The following TRPC6 variants were observed in gnomAD, a reference collection of about 807,000 sequenced individuals.
TRPC6 encodes the protein transient receptor potential cation channel subfamily C member 6, also known as short transient receptor potential channel 6.
A neutral mutation model predicts 90.7 loss-of-function variants in TRPC6; 55 were observed. The ratio of observed to expected loss-of-function variants is 0.61; its 90% CI spans 0.49 to 0.76. The LOEUF (loss-of-function observed/expected upper bound fraction) is 0.76. TRPC6 is among the 30% of genes least tolerant of loss of function. TRPC6 has a pLI of 0.00. For synonymous variants in TRPC6, 393 were observed against 393.0 expected, an observed-to-expected ratio of 1.00 and a Z score of 0.00; for missense variants, 989 against 1,122.7, an observed-to-expected ratio of 0.88 and a Z score of 1.70.
At chr11:101,535,795 G>A (rs1861032043) in intron 1 of TRPC6, among the ~76,000 whole-genome samples, 1 of 152,132 alleles carries the variant, frequency 6.6e-6, no homozygotes. Context: ...ATAACAAAAA[G>A]TTGGTAACCA....
In TRPC6 at chr11:101,583,465, AC is replaced by A. The variant is rs1555016510; in HGVS notation, c.38del (p.Ser13IlefsTer67). The stretch of plus-strand genomic sequence containing the variant: ...CGGCTCCGGCAGCGCCCCGGGGAGA[AC>A]TGCCCCTCCGGGGCCCGAACGCCGG... Reference protein sequence around the residue: ...QSPAFGPRRGSSPRGAAGAAA... With the variant: ...QSPAFGPRRGXSPRGAAGAAA... On this transcript the variant is annotated frameshift_variant, in exon 1 of 13. Coordinates refer to ENST00000344327, the MANE Select transcript of TRPC6 (RefSeq NM_004621.6). LOFTEE classifies it high-confidence loss of function. 6.6e-7 allele frequency: 1 copy of A among 1,526,706 alleles called. No individual in the cohort carries two copies. The highest frequency in any genetic ancestry group is 1.4e-5 in the African/African-American group (1 of 71,250). 94.6% of individuals were successfully genotyped at this position (1,526,706 alleles called of 1,614,324 possible). A position where few individuals can be genotyped will look rare whatever the true frequency, so the allele number is the denominator to read the frequency against.
intron 2 of TRPC6, among the ~76,000 whole-genome samples, chr11:101,499,019 T>G (rs1023770164): frequency 3.3e-5 from 5 of 152,072 alleles, no homozygotes; most frequent in Admixed American, 1.3e-4. Flanking sequence ...AGATGGACAG[T>G]GCAGGGTGGA....
intron 2 of TRPC6, among the ~76,000 whole-genome samples, chr11:101,494,166 A>G (rs971761097): frequency 3.3e-5 from 5 of 152,122 alleles, no homozygotes; most frequent in Admixed American, 1.3e-4. Context: ...TTGGAGGTAC[A>G]TATTTGTCCA....
At chr11:101,521,319 G>A (rs1860654940) in intron 1 of TRPC6, among the ~76,000 whole-genome samples, 2 of 152,204 alleles carry the variant, frequency 1.3e-5, no homozygotes, top group Non-Finnish European at 2.9e-5. Context: ...TATGTCTTAG[G>A]ATGCTGCTCC....
chr11:101,483,217 C>A (rs1049658631), intron 4 of TRPC6, 52 bp from the exon 5 acceptor site: 2 of 1,571,768 alleles, frequency 1.3e-6, no homozygotes, highest in East Asian at 2.2e-5. Context: ...GTACACTTTG[C>A]AAAACACACA....
At chr11:101,497,919 T>TA (rs1191775416) in intron 2 of TRPC6, among the ~76,000 whole-genome samples, 1 of 151,890 alleles carries the variant, frequency 6.6e-6, no homozygotes, top group African/African-American at 2.4e-5. Flanking sequence ...TTAAGAGGAA[T>TA]AAAAAGAAAC....
intron 2 of TRPC6, among the ~76,000 whole-genome samples, chr11:101,500,422 C>G (rs1372697430): frequency 1.3e-5 from 2 of 151,896 alleles, no homozygotes; most frequent in African/African-American, 4.8e-5. Flanking sequence ...GTTGGTCAGA[C>G]TGGTCTCAAA....
intron 10 of TRPC6, among the ~76,000 whole-genome samples, chr11:101,464,143 C>T (rs1859080097): frequency 6.6e-6 from 1 of 151,932 alleles, no homozygotes; most frequent in Non-Finnish European, 1.5e-5. Context: ...TTTGACTGCA[C>T]TGTGGTCTGA....
In TRPC6 at chr11:101,539,445, T is replaced by C. The variant is rs144202299; in HGVS notation, c.171-34647A>G. On this transcript the variant is annotated intron_variant, in intron 1 of 12. Transcript: ENST00000344327. The stretch of plus-strand genomic sequence containing the variant: ...AGTTTCTCAGACGCCACACTGAGCT[T>C]TCCTCTGAAGACACTTATTCCAAGC... Among the ~76,000 whole-genome samples, 742 of 152,308 alleles carry C rather than the reference T, an allele frequency of 4.9e-3. 3 individuals are homozygous for C. Among genetic ancestry groups the C allele is most frequent in the African/African-American group, 0.017 (691 of 41,566 alleles).
chr11:101,481,962 C>G (rs1382709860), intron 5 of TRPC6, among the ~76,000 whole-genome samples: 1 of 152,166 alleles, frequency 6.6e-6, no homozygotes, highest in Non-Finnish European at 1.5e-5. Context: ...CTCTAATGTT[C>G]CCATGCCATC....
intron 6 of TRPC6, 86 bp downstream of exon 6, chr11:101,476,215 A>C (rs1859414009): frequency 2.7e-6 from 3 of 1,097,210 alleles, no homozygotes; most frequent in African/African-American, 1.6e-5. Context: ...TTTTATGAGA[A>C]TTGTGCAGTA....
intron 2 of TRPC6, among the ~76,000 whole-genome samples, chr11:101,503,547 G>A (rs759368934): frequency 2.6e-5 from 4 of 152,086 alleles, no homozygotes; most frequent in African/African-American, 7.2e-5. Context: ...TGTCTCTCTA[G>A]TCAACTGTGA....
At chr11:101,555,199 G>A (rs1406279464) in intron 1 of TRPC6, among the ~76,000 whole-genome samples, 2 of 152,148 alleles carry the variant, frequency 1.3e-5, no homozygotes, top group African/African-American at 4.8e-5. Context: ...GATGAAATCA[G>A]GCTTCACCTA....
intron 3 of TRPC6, chr11:101,491,347 T>C: frequency 4.4e-6 from 2 of 455,668 alleles, no homozygotes. Flanking sequence ...GGCAGGAGAA[T>C]GGCCTGAACC....
chr11:101,473,094 CAT>C (rs1859330951), intron 7 of TRPC6, among the ~76,000 whole-genome samples: 2 of 152,048 alleles, frequency 1.3e-5, no homozygotes, highest in Admixed American at 1.3e-4. Flanking sequence ...TCATAGTTAG[CAT>C]CCCCAGGAGT....
At chr11:101,511,031 T>C (rs7116473) in intron 1 of TRPC6, among the ~76,000 whole-genome samples, 74,289 of 151,540 alleles carry the variant, frequency 0.49, 18,557 homozygotes, top group African/African-American at 0.55. Flanking sequence ...TAGTCAGCCG[T>C]AAGCGTAATG....
chr11:101,555,643 A>C (rs756699369), intron 1 of TRPC6, among the ~76,000 whole-genome samples: 18 of 152,318 alleles, frequency 1.2e-4, no homozygotes, highest in Middle Eastern at 3.4e-3. Context: ...ACATGGGAAC[A>C]TTATGTAAGA....
intron 1 of TRPC6, among the ~76,000 whole-genome samples, chr11:101,578,578 T>C (rs1394133365): frequency 6.6e-6 from 1 of 152,022 alleles, no homozygotes; most frequent in Non-Finnish European, 1.5e-5. Context: ...ATAAAAATTT[T>C]AAAGGATCTG....
intron 1 of TRPC6, among the ~76,000 whole-genome samples, chr11:101,555,530 C>A (rs935283136): frequency 6.6e-6 from 1 of 152,102 alleles, no homozygotes; most frequent in African/African-American, 2.4e-5. Context: ...TATGAATACC[C>A]CTGAGCATGC....
Sources: gnomAD v4.1 joint callset for allele counts (sites outside exome capture counted in the v4.1 genomes callset) on GRCh38, gnomAD v4.1.1 for gene constraint, MANE v1.5 for transcripts, NCBI Gene and HGNC (gene_info 2026-07-23, HGNC 2026-07-21) for gene names.